The following TUT7 variants were observed in gnomAD, a reference collection of about 807,000 sequenced individuals.
TUT7 encodes the protein terminal uridylyl transferase 7.
Under a neutral mutation model 165.9 loss-of-function variants are expected in TUT7, and 33 were observed. The ratio of observed to expected loss-of-function variants is 0.20; its 90% confidence interval spans 0.15 to 0.27. The LOEUF (loss-of-function observed/expected upper bound fraction) is 0.27, where lower values mean the gene tolerates loss of function less well. Among genes scored for constraint, TUT7 ranks in the 10% least tolerant of loss-of-function variants. TUT7 has a pLI of 1.00. For synonymous variants in TUT7, 552 were observed against 608.1 expected, an observed-to-expected ratio of 0.91 and a Z score of 1.36; for missense variants, 1,338 against 1,762.3, an observed-to-expected ratio of 0.76 and a Z score of 4.31.
chr9:86,297,161 T>C (rs1826398094), intron 26 of TUT7, among the ~76,000 whole-genome samples: 1 of 152,228 alleles, frequency 6.6e-6, no homozygotes, highest in East Asian at 1.9e-4. Context: ...CTAGCATCTA[T>C]ATTTCTCTCT....
chr9:86,345,665 T>A lies in TUT7; in HGVS notation c.819+4A>T. Reference sequence around the variant, plus strand: ...CAGACTTGTTTGGGTTACATTCAATTTACCTTAATGTTTTTCTTGTGCCTC... The same window carrying A: ...CAGACTTGTTTGGGTTACATTCAATATACCTTAATGTTTTTCTTGTGCCTC... On this transcript the variant is annotated splice_donor_region_variant and intron_variant, in intron 4 of 26. Coordinates refer to ENST00000375963, the MANE Select transcript of TUT7 (RefSeq NM_024617.4). 1 of 1,598,252 alleles carries A rather than the reference T, an allele frequency of 6.3e-7. No homozygotes were observed. The highest frequency in any genetic ancestry group is 8.6e-7 in the Non-Finnish European group (1 of 1,167,108).
At chr9:86,320,735 G>A (rs962201940) in intron 14 of TUT7, among the ~76,000 whole-genome samples, 2 of 151,842 alleles carry the variant, frequency 1.3e-5, no homozygotes, top group African/African-American at 2.4e-5. Flanking sequence ...GGCAACTTTC[G>A]GCCCCTCACA....
intron 3 of TUT7, among the ~76,000 whole-genome samples, chr9:86,346,027 C>G (rs983146610): frequency 6.6e-6 from 1 of 152,178 alleles, no homozygotes; most frequent in Non-Finnish European, 1.5e-5. Flanking sequence ...ACTGGGGCTA[C>G]AGGCATGCCA....
chr9:86,302,983 G>T, intron 25 of TUT7, 103 bp downstream of exon 25: 1 of 564,002 alleles, frequency 1.8e-6, no homozygotes, highest in South Asian at 3.1e-5. Context: ...AAAACTGCTG[G>T]ATTTTACACA....
intron 18 of TUT7, 113 bp from the exon 19 acceptor site, chr9:86,310,130 G>C (rs1827901527): frequency 1.1e-6 from 1 of 885,724 alleles, no homozygotes; most frequent in African/African-American, 1.7e-5. Context: ...TGTTGCCCAG[G>C]CTGGTCATGA....
intron 21 of TUT7, 107 bp downstream of exon 21, chr9:86,309,105 G>T: frequency 1.5e-6 from 1 of 688,434 alleles, no homozygotes; most frequent in Non-Finnish European, 2.5e-6. Flanking sequence ...ACTATCATAA[G>T]ATATATAAAT....
intron 14 of TUT7, among the ~76,000 whole-genome samples, chr9:86,320,257 CAAAAA>C: frequency 8.9e-6 from 1 of 112,348 alleles, no homozygotes; most frequent in South Asian, 3.0e-4. Flanking sequence ...AAAAATTTCC[CAAAAA>C]AAAAAAAAAA....
intron 26 of TUT7, among the ~76,000 whole-genome samples, chr9:86,288,993 A>T (rs985979099): frequency 6.6e-6 from 1 of 152,206 alleles, no homozygotes; most frequent in African/African-American, 2.4e-5. Context: ...TAATACATTT[A>T]CATATTCACT....
chr9:86,307,879 AGCT>A (rs1304356372), intron 22 of TUT7, among the ~76,000 whole-genome samples: 1 of 152,154 alleles, frequency 6.6e-6, no homozygotes, highest in Non-Finnish European at 1.5e-5. Flanking sequence ...CTGTAATCCC[AGCT>A]ACTCAGGTGG....
intron 26 of TUT7, among the ~76,000 whole-genome samples, chr9:86,294,431 C>T (rs532976036): frequency 2.6e-5 from 4 of 152,096 alleles, no homozygotes; most frequent in Non-Finnish European, 5.9e-5. Flanking sequence ...TTTGATGATA[C>T]ATCACTGTGA....
At chr9:86,293,872 A>G (rs978751680) in intron 26 of TUT7, among the ~76,000 whole-genome samples, 1 of 151,880 alleles carries the variant, frequency 6.6e-6, no homozygotes, top group African/African-American at 2.4e-5. Flanking sequence ...CAGCCTCCTG[A>G]GCAGCTGGGA....
At chr9:86,292,780 G>GA (rs1053551291) in intron 26 of TUT7, among the ~76,000 whole-genome samples, 9 of 147,792 alleles carry the variant, frequency 6.1e-5, no homozygotes, top group East Asian at 2.0e-4. Context: ...CTCTCTAAAA[G>GA]AAAAAAAAAA....
At chr9:86,339,301 C>G (rs1001135879) in intron 8 of TUT7, among the ~76,000 whole-genome samples, 1 of 152,042 alleles carries the variant, frequency 6.6e-6, no homozygotes, top group Non-Finnish European at 1.5e-5. Context: ...CCAAGGCGGG[C>G]AGATCATGAG....
chr9:86,332,025 G>A (rs1473047191), intron 10 of TUT7, among the ~76,000 whole-genome samples: 1 of 152,098 alleles, frequency 6.6e-6, no homozygotes, highest in African/African-American at 2.4e-5. Context: ...AATCATTAGA[G>A]AAATACAAAT....
chr9:86,307,887 AGG>A, intron 22 of TUT7, among the ~76,000 whole-genome samples: 1 of 152,188 alleles, frequency 6.6e-6, no homozygotes, highest in South Asian at 2.1e-4. Context: ...CCAGCTACTC[AGG>A]TGGCTGAGGC....
intron 22 of TUT7, among the ~76,000 whole-genome samples, chr9:86,305,708 TCA>T (rs893823889): frequency 6.6e-6 from 1 of 152,174 alleles, no homozygotes; most frequent in African/African-American, 2.4e-5. Flanking sequence ...TTCTTAAAGA[TCA>T]CTTCAGAAAA....
At chr9:86,353,377 T>C in intron 1 of TUT7, 147 bp from the exon 2 acceptor site, 1 of 651,206 alleles carries the variant, frequency 1.5e-6, no homozygotes, top group Non-Finnish European at 2.4e-6. Flanking sequence ...ATCACATTCT[T>C]AATAATCAGT....
Position 86,300,655 on chromosome 9 carries a change from C to G in TUT7, c.4420+621G>C, listed in dbSNP as rs906126589. 3.9e-5 allele frequency among the ~76,000 whole-genome samples: 6 copies of G among 152,306 alleles called. No individual in the cohort carries two copies. In the East Asian group the frequency reaches 1.2e-3, roughly 29 times the overall value. The stretch of plus-strand genomic sequence containing the variant: ...AATGGCCAATTTGTATTTAACAACT[C>G]AAAGGGGCCAGATTTGTGGATGGTG... On this transcript the variant is annotated intron_variant, in intron 26 of 26. Coordinates refer to ENST00000375963, the MANE Select transcript of TUT7 (RefSeq NM_024617.4).
chr9:86,352,451 C>T, intron 2 of TUT7: 2 of 603,982 alleles, frequency 3.3e-6, no homozygotes, highest in South Asian at 4.1e-5. Context: ...GTAAAGTGAG[C>T]CCTGGGGCAA....
Sources: gnomAD v4.1 joint callset for allele counts (sites outside exome capture counted in the v4.1 genomes callset) on GRCh38, gnomAD v4.1.1 for gene constraint, MANE v1.5 for transcripts, NCBI Gene and HGNC (gene_info 2026-07-23, HGNC 2026-07-21) for gene names.